TMEM132C: variants seen among roughly 807,000 people sequenced by gnomAD.
The protein encoded by TMEM132C is protein phosphatase 1, regulatory subunit 152.
In TMEM132C, 29 loss-of-function variants were observed where a neutral mutation model predicts 61.4. The ratio of observed to expected loss-of-function variants is 0.47; its 90% confidence interval spans 0.35 to 0.64. The LOEUF (loss-of-function observed/expected upper bound fraction) is 0.64. Among genes scored for constraint, TMEM132C ranks in the 30% least tolerant of loss-of-function variants. The probability of loss-of-function intolerance (pLI) is 0.00; values close to 1 mark genes in which losing one functional copy is unlikely to be tolerated. For missense variants in TMEM132C, 1,408 were observed against 1,476.9 expected (o/e 0.95, Z 0.76); for synonymous variants, 656 against 633.1 (o/e 1.04, Z -0.54).
chr12:128,551,138 A>G (rs970638807), intron 3 of TMEM132C, among the ~76,000 whole-genome samples: 1 of 151,354 alleles, frequency 6.6e-6, no homozygotes, highest in African/African-American at 2.4e-5. Context: ...TTAATCAGTC[A>G]CTTGCAAATG....
intron 2 of TMEM132C, among the ~76,000 whole-genome samples, chr12:128,487,378 C>A (rs1480081803): frequency 1.3e-5 from 2 of 152,116 alleles, no homozygotes; most frequent in Non-Finnish European, 1.5e-5. Flanking sequence ...AACACACTAA[C>A]CATTCTTAGC....
chr12:128,414,970 G>A lies in TMEM132C; in HGVS notation c.324G>A (p.Val108=). Reference sequence around the variant, plus strand: ...GACCCTTTTCTGTGGAGAAGGTTGTGCCTCTGGACTTGATGTTGACTTCAA... The same window carrying A: ...GACCCTTTTCTGTGGAGAAGGTTGTACCTCTGGACTTGATGTTGACTTCAA... The part of the protein sequence containing the change: ...SYGPFSVEKV[V]PLDLMLTSNF... Residue 108 remains valine, a synonymous_variant, in exon 2 of 9, where the codon GTG becomes GTA. Coordinates refer to ENST00000435159, the MANE Select transcript of TMEM132C (RefSeq NM_001136103.3). 1 of 1,551,908 alleles carries A rather than the reference G, an allele frequency of 6.4e-7. No individual in the cohort carries two copies. The highest frequency in any genetic ancestry group is 1.2e-5 in the South Asian group (1 of 84,056).
intron 2 of TMEM132C, among the ~76,000 whole-genome samples, chr12:128,424,011 C>T (rs148286609): frequency 0.043 from 5,698 of 132,440 alleles, 363 homozygotes; most frequent in African/African-American, 0.15. Flanking sequence ...CATGCCACTG[C>T]ACTCCAGCCT....
At chr12:128,703,352 T>G (rs1249170208) in intron 8 of TMEM132C, among the ~76,000 whole-genome samples, 1 of 152,180 alleles carries the variant, frequency 6.6e-6, no homozygotes, top group Non-Finnish European at 1.5e-5. Context: ...TATCTGTCCA[T>G]GTGTTCTCAT....
intron 5 of TMEM132C, 66 bp from the exon 6 acceptor site, chr12:128,693,762 CA>C (rs1320184569): frequency 1.3e-6 from 2 of 1,521,116 alleles, no homozygotes; most frequent in Non-Finnish European, 1.8e-6. Context: ...ATAGGAAAAA[CA>C]AAAAAAGGAT....
intron 1 of TMEM132C, among the ~76,000 whole-genome samples, chr12:128,402,136 C>T (rs1489331360): frequency 1.3e-5 from 2 of 152,156 alleles, no homozygotes; most frequent in African/African-American, 2.4e-5. Context: ...CCGAGGACTG[C>T]AGGTGACCTC....
intron 4 of TMEM132C, among the ~76,000 whole-genome samples, chr12:128,665,738 CACAT>C (rs1954456993): frequency 6.9e-6 from 1 of 144,734 alleles, no homozygotes; most frequent in South Asian, 2.1e-4. Flanking sequence ...CACAGGCACA[CACAT>C]ACACCCAGGC....
intron 1 of TMEM132C, among the ~76,000 whole-genome samples, chr12:128,346,261 T>C (rs1873156898): frequency 6.6e-6 from 1 of 152,206 alleles, no homozygotes. Flanking sequence ...CATTGGTCTA[T>C]ATGTCTGTTT....
In TMEM132C at chr12:128,695,892, A is replaced by G. The variant is rs1435507298; in HGVS notation, c.1718A>G (p.Gln573Arg). Residue 573 changes from glutamine (Q) to arginine (R), a missense_variant, in exon 7 of 9, where the codon CAA (glutamine) becomes CGA (arginine). Physicochemically the swap from Gln to Arg is conservative, Grantham distance 43. Transcript: ENST00000435159. The stretch of plus-strand genomic sequence containing the variant: ...CGGCGGGGCCGGGGCTGCGCACTGC[A>G]ATACCAGCACGCCACCGTGCGGGTC... ...EERRGRGCAL[Q>R]YQHATVRVLT... is the part of the protein sequence containing the mutation. 1.9e-6 allele frequency: 3 copies of G among 1,551,468 alleles called. No individual in the cohort carries two copies. The highest frequency in any genetic ancestry group is 2.0e-5 in the Admixed American group (1 of 51,008).
chr12:128,479,146 T>C (rs1262984830), intron 2 of TMEM132C, among the ~76,000 whole-genome samples: 1 of 152,146 alleles, frequency 6.6e-6, no homozygotes, highest in African/African-American at 2.4e-5. Context: ...TTCTCACTTA[T>C]AAGTGGGAGC....
chr12:128,378,362 C>T (rs1049773422), intron 1 of TMEM132C, among the ~76,000 whole-genome samples: 15 of 152,168 alleles, frequency 9.9e-5, no homozygotes, highest in South Asian at 2.1e-4. Flanking sequence ...ATGATCCGCC[C>T]GCCTCGGCCT....
intron 1 of TMEM132C, among the ~76,000 whole-genome samples, chr12:128,313,900 A>AT (rs1448497438): frequency 7.9e-5 from 12 of 152,172 alleles, no homozygotes; most frequent in Non-Finnish European, 1.0e-4. Flanking sequence ...ATTTTATTAT[A>AT]TTTTTCCCCT....
chr12:128,606,633 C>A (rs1192091703), intron 3 of TMEM132C, among the ~76,000 whole-genome samples: 2 of 152,204 alleles, frequency 1.3e-5, no homozygotes, highest in Non-Finnish European at 2.9e-5. Flanking sequence ...GGCAGAGGGG[C>A]CCCTAGTGTG....
chr12:128,341,394 G>A (rs561665240), intron 1 of TMEM132C, among the ~76,000 whole-genome samples: 13 of 152,296 alleles, frequency 8.5e-5, no homozygotes, highest in African/African-American at 2.9e-4. Context: ...GTCTGTTGAT[G>A]TAAAAAAGTA....
At chr12:128,648,550 T>C (rs1179541935) in intron 4 of TMEM132C, among the ~76,000 whole-genome samples, 1 of 149,750 alleles carries the variant, frequency 6.7e-6, no homozygotes, top group Admixed American at 6.6e-5. Flanking sequence ...TCCATCAGCA[T>C]TGGATGAGTG....
chr12:128,364,804 T>C (rs1433854483), intron 1 of TMEM132C, among the ~76,000 whole-genome samples: 3 of 152,174 alleles, frequency 2.0e-5, no homozygotes, highest in Non-Finnish European at 2.9e-5. Context: ...TGCTGAGGGC[T>C]TCTGATTCCC....
At chr12:128,665,464 CACAA>C (rs923218670) in intron 4 of TMEM132C, among the ~76,000 whole-genome samples, 42 of 151,408 alleles carry the variant, frequency 2.8e-4, no homozygotes, top group East Asian at 1.2e-3. Context: ...CTCACACACA[CACAA>C]ACATAGGCGC....
chr12:128,407,785 CA>C (rs1244841385), intron 1 of TMEM132C, among the ~76,000 whole-genome samples: 6 of 152,302 alleles, frequency 3.9e-5, no homozygotes. Flanking sequence ...AGCCCAGATT[CA>C]AAGAGTGGGG....
intron 8 of TMEM132C, 135 bp downstream of exon 8, chr12:128,697,550 C>A: frequency 2.2e-6 from 2 of 916,548 alleles, no homozygotes; most frequent in Non-Finnish European, 1.6e-6. Context: ...CATGTCATTG[C>A]AGACAAAGTG....
Sources: allele counts gnomAD v4.1 joint callset (sites outside exome capture counted in the v4.1 genomes callset), GRCh38; gene constraint gnomAD v4.1.1; transcripts MANE v1.5; gene names NCBI Gene and HGNC (gene_info 2026-07-23, HGNC 2026-07-21).